ANO1: variants seen among roughly 807,000 people sequenced by gnomAD.
The protein encoded by ANO1 is anoctamin 1.
Under a neutral mutation model 124.0 loss-of-function variants are expected in ANO1, and 59 were observed. The ratio of observed to expected loss-of-function variants is 0.48; its 90% CI spans 0.39 to 0.59. The LOEUF (loss-of-function observed/expected upper bound fraction) is 0.59. Among genes scored for constraint, ANO1 ranks in the 20% least tolerant of loss-of-function variants. The pLI, the probability that ANO1 is intolerant of heterozygous loss-of-function variation, is 0.00. For synonymous variants in ANO1, 529 were observed against 532.0 expected (o/e 0.99, Z 0.08); for missense variants, 1,059 against 1,328.0 (o/e 0.80, Z 3.15).
intron 1 of ANO1, among the ~76,000 whole-genome samples, chr11:69,989,955 G>A (rs1856121981): frequency 6.6e-6 from 1 of 152,036 alleles, no homozygotes; most frequent in African/African-American, 2.4e-5. Flanking sequence ...TTTACTACTT[G>A]TTGTTTTGTT....
At chr11:70,162,816 A>G (rs1403083304) in intron 18 of ANO1, among the ~76,000 whole-genome samples, 1 of 152,164 alleles carries the variant, frequency 6.6e-6, no homozygotes, top group Non-Finnish European at 1.5e-5. Flanking sequence ...AGCCCCTAGA[A>G]AGCCGAGAGG....
At chr11:70,065,978 A>G (rs957586892) in intron 1 of ANO1, among the ~76,000 whole-genome samples, 3 of 152,044 alleles carry the variant, frequency 2.0e-5, no homozygotes, top group African/African-American at 7.3e-5. Context: ...TCACCATCTG[A>G]TATTCCTGTG....
upstream of ANO1, among the ~76,000 whole-genome samples, chr11:70,077,308 TGGGAA>T (rs2044074377): frequency 1.3e-5 from 2 of 151,814 alleles, no homozygotes; most frequent in South Asian, 4.2e-4. Flanking sequence ...CATATTTGGG[TGGGAA>T]GGGGACAGTA....
chr11:70,044,804 G>A lies in ANO1; in HGVS notation c.59-33738G>A, dbSNP rs1425365152. ...CGATGATAAAGGCTGAAACTGTTCC[G>A]GATTAACAGAGACTAAGAAGACATG... is the stretch of plus-strand genomic sequence containing the variant. On this transcript the variant is annotated intron_variant, in intron 1 of 27. Coordinates refer to the ANO1 transcript ENST00000531349. Among the ~76,000 whole-genome samples, 15 of 152,092 alleles carry A rather than the reference G, an allele frequency of 9.9e-5. No individual in the cohort carries two copies. In the South Asian group the frequency reaches 1.0e-3, roughly 10 times the overall value.
chr11:70,075,998 A>G (rs138203947), upstream of ANO1, among the ~76,000 whole-genome samples: 19 of 152,298 alleles, frequency 1.2e-4, 1 homozygote, highest in East Asian at 3.3e-3. Context: ...AGGCCACGAG[A>G]GGCCTGGAGG....
At chr11:70,032,529 C>T (rs1236361118) in intron 1 of ANO1, among the ~76,000 whole-genome samples, 7 of 104,092 alleles carry the variant, frequency 6.7e-5, no homozygotes, top group Non-Finnish European at 1.5e-4. Flanking sequence ...CAGAGGGAGG[C>T]GGGAGAGGGG....
chr11:70,072,133 C>G (rs1591075151), intron 1 of ANO1, among the ~76,000 whole-genome samples: 1 of 152,152 alleles, frequency 6.6e-6, no homozygotes, highest in African/African-American at 2.4e-5. Context: ...GGCGCCAAAC[C>G]CAGAGGGCCT....
At chr11:70,182,132 G>A (rs142088199) in intron 23 of ANO1, among the ~76,000 whole-genome samples, 98 of 152,152 alleles carry the variant, frequency 6.4e-4, no homozygotes, top group African/African-American at 2.3e-3. Flanking sequence ...GAGGCACAGT[G>A]CATACATGGT....
intron 1 of ANO1, among the ~76,000 whole-genome samples, chr11:70,028,104 G>T (rs192815091): frequency 6.6e-6 from 1 of 152,160 alleles, no homozygotes; most frequent in African/African-American, 2.4e-5. Context: ...CCGAATAAGC[G>T]CCAATTCTGG....
At chr11:70,085,511 G>A (rs565770172) in intron 1 of ANO1, 42 of 1,536,080 alleles carry the variant, frequency 2.7e-5, no homozygotes, top group Admixed American at 3.9e-5. Context: ...GCCTCCTGCC[G>A]GCACCAGATG....
At chr11:70,133,638 C>T (rs2046845617) in intron 11 of ANO1, among the ~76,000 whole-genome samples, 1 of 152,250 alleles carries the variant, frequency 6.6e-6, no homozygotes, top group African/African-American at 2.4e-5. Context: ...GCCTCCTCCC[C>T]TGCTCCGGAG....
chr11:69,974,483 G>T, the ANO1 span, among the ~76,000 whole-genome samples: 1 of 152,216 alleles, frequency 6.6e-6, no homozygotes, highest in Non-Finnish European at 1.5e-5. Context: ...AGGAAACTGA[G>T]GCACAGAAAG....
the ANO1 span, among the ~76,000 whole-genome samples, chr11:69,970,811 C>G: frequency 6.6e-6 from 1 of 152,174 alleles, no homozygotes; most frequent in Non-Finnish European, 1.5e-5. Context: ...CATCGGACAC[C>G]CTGTGTTCTC....
intron 15 of ANO1, 22 bp downstream of exon 15, chr11:70,156,010 A>G: frequency 6.7e-7 from 1 of 1,499,818 alleles, no homozygotes. Flanking sequence ...TTTTGCGGGC[A>G]GCGCGCGTCT....
rs375663560 is a variant in ANO1 at position 70,189,517 on chromosome 11, T to A, written c.*1513T>A. 2 of 152,638 alleles carry A rather than the reference T, an allele frequency of 1.3e-5. No homozygotes were observed. The highest frequency in any genetic ancestry group is 4.8e-5 in the African/African-American group (2 of 41,578). The allele number at this position is 152,638 out of a possible 1,614,324, so 9.5% of individuals were successfully genotyped here. A position where few individuals can be genotyped will look rare whatever the true frequency, so the allele number is the denominator to read the frequency against. On this transcript the variant is annotated 3_prime_UTR_variant, in exon 26 of 26. Coordinates refer to ENST00000355303, the MANE Select transcript of ANO1 (RefSeq NM_018043.7). ...TGGCTGGACATTCATCTAAATAAAT[T>A]TGAATATACGACACTTTTCTCACTT...
At chr11:70,141,370 G>T (rs543216253) in intron 11 of ANO1, among the ~76,000 whole-genome samples, 1 of 152,300 alleles carries the variant, frequency 6.6e-6, no homozygotes, top group Non-Finnish European at 1.5e-5. Flanking sequence ...GACTCTGGGA[G>T]TGGGGGACTC....
intron 1 of ANO1, among the ~76,000 whole-genome samples, chr11:70,010,195 A>ATATATATATATATATATATATG (rs1565159774): frequency 6.5e-5 from 9 of 138,500 alleles, no homozygotes; most frequent in Non-Finnish European, 1.2e-4. Context: ...ATATATATAT[A>ATATATATATATATATATATATG]TATCACATTT....
chr11:70,057,930 C>CA (rs1300891708), intron 1 of ANO1, among the ~76,000 whole-genome samples: 1 of 152,050 alleles, frequency 6.6e-6, no homozygotes, highest in Non-Finnish European at 1.5e-5. Flanking sequence ...GTTGGGGCAG[C>CA]AAAAAATTTT....
chr11:70,185,790 A>G, intron 25 of ANO1, 95 bp downstream of exon 25: 1 of 1,357,726 alleles, frequency 7.4e-7, no homozygotes, highest in Non-Finnish European at 1.0e-6. Flanking sequence ...TGCTAAAGCC[A>G]GGGGTTCAGA....
Sources: gnomAD v4.1 joint callset for allele counts (sites outside exome capture counted in the v4.1 genomes callset) on GRCh38, gnomAD v4.1.1 for gene constraint, MANE v1.5 for transcripts, NCBI Gene and HGNC (gene_info 2026-07-23, HGNC 2026-07-21) for gene names.